FSTL4: variants seen among roughly 807,000 people sequenced by gnomAD.
FSTL4 encodes follistatin like 4.
Under a neutral mutation model 78.2 loss-of-function variants are expected in FSTL4, and 28 were observed. The ratio of observed to expected loss-of-function variants is 0.36; its 90% CI spans 0.27 to 0.49. FSTL4 has a LOEUF of 0.49. FSTL4 is among the 20% of genes least tolerant of loss of function. FSTL4 has a pLI of 0.98. For missense variants in FSTL4, 922 were observed against 1,084.9 expected (o/e 0.85, Z 2.11); for synonymous variants, 422 against 440.5 (o/e 0.96, Z 0.53).
chr5:133,266,429 G>A (rs1752641929), intron 6 of FSTL4, among the ~76,000 whole-genome samples: 2 of 152,280 alleles, frequency 1.3e-5, no homozygotes, highest in African/African-American at 4.8e-5. Flanking sequence ...CATGTGGTTT[G>A]GAAGGAGGCT....
At chr5:133,488,503 C>T (rs576326999) in intron 3 of FSTL4, among the ~76,000 whole-genome samples, 26 of 152,286 alleles carry the variant, frequency 1.7e-4, no homozygotes, top group African/African-American at 5.5e-4. Context: ...ATCTGCCCAC[C>T]GCGGCCTCCC....
At chr5:133,553,267 G>C (rs538067235) in intron 3 of FSTL4, among the ~76,000 whole-genome samples, 1 of 152,232 alleles carries the variant, frequency 6.6e-6, no homozygotes, top group Non-Finnish European at 1.5e-5. Flanking sequence ...GTCTTGTCTC[G>C]GACGTTTCTT....
intron 3 of FSTL4, among the ~76,000 whole-genome samples, chr5:133,475,848 AC>A (rs1287107892): frequency 6.6e-6 from 1 of 152,040 alleles, no homozygotes; most frequent in African/African-American, 2.4e-5. Flanking sequence ...TTCGTGAGCC[AC>A]CTCTGCTACC....
intron 3 of FSTL4, among the ~76,000 whole-genome samples, chr5:133,472,207 T>A (rs894945277): frequency 1.3e-5 from 2 of 152,180 alleles, no homozygotes; most frequent in Admixed American, 6.5e-5. Flanking sequence ...GAAGAAAAAA[T>A]TTCAACCTGG....
rs751337197 is a variant in FSTL4 at position 133,400,942 on chromosome 5, ACTT to A, written c.202_204del (p.Lys68del). On this transcript the variant is annotated inframe_deletion, in exon 4 of 16. Coordinates refer to ENST00000265342, the MANE Select transcript of FSTL4 (RefSeq NM_015082.2). ...ACGCACCGGCTCCCTCGGCTGCAGA[ACTT>A]CTTCCCGCAGGAGGCCAGCAGCTCG... The A allele has an allele frequency of 5.0e-6, 8 of 1,613,234 alleles. No homozygotes were observed. The highest frequency in any genetic ancestry group is 1.3e-5 in the African/African-American group (1 of 74,924).
the FSTL4 span, among the ~76,000 whole-genome samples, chr5:133,674,230 G>T: frequency 6.6e-6 from 1 of 152,158 alleles, no homozygotes; most frequent in South Asian, 2.1e-4. Context: ...TGATCTGGGT[G>T]CTGAAGGCTG....
intron 3 of FSTL4, among the ~76,000 whole-genome samples, chr5:133,471,611 T>G (rs1322921431): frequency 6.6e-6 from 1 of 152,196 alleles, no homozygotes; most frequent in Non-Finnish European, 1.5e-5. Flanking sequence ...TGCTTTGATG[T>G]TAGACTTCTC....
chr5:133,477,514 A>G (rs1389592951), intron 3 of FSTL4, among the ~76,000 whole-genome samples: 1 of 152,236 alleles, frequency 6.6e-6, no homozygotes, highest in African/African-American at 2.4e-5. Context: ...TTCCCAATTT[A>G]CAAATAAGGA....
At chr5:133,315,028 G>A (rs1753871575) in intron 5 of FSTL4, among the ~76,000 whole-genome samples, 1 of 152,088 alleles carries the variant, frequency 6.6e-6, no homozygotes, top group Non-Finnish European at 1.5e-5. Context: ...TGGGTGTGGT[G>A]GTGTAAGCCT....
chr5:133,231,902 G>A (rs1751504845), intron 8 of FSTL4, among the ~76,000 whole-genome samples: 1 of 152,158 alleles, frequency 6.6e-6, no homozygotes, highest in South Asian at 2.1e-4. Flanking sequence ...ACAAAGGCCC[G>A]CTGTCTTTGG....
chr5:133,766,504 G>C, the FSTL4 span, among the ~76,000 whole-genome samples: 2 of 152,182 alleles, frequency 1.3e-5, no homozygotes, highest in African/African-American at 4.8e-5. Context: ...TGAATTTATT[G>C]GTTGCCTGGA....
At chr5:133,465,817 A>T (rs31341) in intron 3 of FSTL4, among the ~76,000 whole-genome samples, 18 of 152,218 alleles carry the variant, frequency 1.2e-4, no homozygotes, top group Admixed American at 1.3e-4. Flanking sequence ...CTGACAAAGC[A>T]GCATGCAACA....
the FSTL4 span, among the ~76,000 whole-genome samples, chr5:133,691,520 C>T: frequency 6.6e-6 from 1 of 152,114 alleles, no homozygotes; most frequent in Non-Finnish European, 1.5e-5. Context: ...GCGTGGACCT[C>T]CCACATCATT....
chr5:133,296,257 T>A (rs1239725947), intron 6 of FSTL4, among the ~76,000 whole-genome samples: 1 of 152,178 alleles, frequency 6.6e-6, no homozygotes, highest in African/African-American at 2.4e-5. Flanking sequence ...ATACCCATGA[T>A]CCAGCCTCTC....
At chr5:133,703,006 C>T in the FSTL4 span, among the ~76,000 whole-genome samples, 1 of 152,224 alleles carries the variant, frequency 6.6e-6, no homozygotes, top group Non-Finnish European at 1.5e-5. Flanking sequence ...GCTCCCATGA[C>T]AGGGAGGCCC....
the FSTL4 span, among the ~76,000 whole-genome samples, chr5:133,728,646 T>C: frequency 6.6e-6 from 1 of 152,130 alleles, no homozygotes; most frequent in Non-Finnish European, 1.5e-5. Flanking sequence ...TGAAATATGA[T>C]AGTCCTCAAT....
In FSTL4 at chr5:133,220,844, G is replaced by A. The variant is rs759189638; in HGVS notation, c.1362C>T (p.Phe454=). The A allele has an allele frequency of 2.5e-6, 4 of 1,611,144 alleles. No individual in the cohort carries two copies. Among genetic ancestry groups the A allele is most frequent in the Non-Finnish European group, 3.4e-6 (4 of 1,177,262 alleles). Residue 454 remains phenylalanine, a synonymous_variant, in exon 12 of 16, where the codon TTC becomes TTT. Coordinates refer to ENST00000265342, the MANE Select transcript of FSTL4 (RefSeq NM_015082.2). ...REEGLSVGNM[F]YVFSDDGIIV... is the part of the protein sequence containing the mutation. ...TGATACCGTCGTCGGAGAAGACATA[G>A]AACATGTTTCCCACGCTGAGGCCTG...
chr5:133,780,357 C>T, the FSTL4 span, among the ~76,000 whole-genome samples: 1 of 152,164 alleles, frequency 6.6e-6, no homozygotes. Flanking sequence ...CTACAATGTC[C>T]TTTCTATTGT....
chr5:133,267,162 G>A (rs1362753559), intron 6 of FSTL4, among the ~76,000 whole-genome samples: 1 of 152,202 alleles, frequency 6.6e-6, no homozygotes, highest in East Asian at 1.9e-4. Context: ...CTGGGGATAG[G>A]GGAAGAAAAG....
Sources: gnomAD v4.1 joint callset for allele counts (sites outside exome capture counted in the v4.1 genomes callset) on GRCh38, gnomAD v4.1.1 for gene constraint, MANE v1.5 for transcripts, NCBI Gene and HGNC (gene_info 2026-07-23, HGNC 2026-07-21) for gene names.